Variants in DOCK1 observed in about 807,000 individuals in gnomAD.
DOCK1 encodes dedicator of cytokinesis protein 1.
In DOCK1, 138 loss-of-function variants were observed where a neutral mutation model predicts 262.7. The observed-to-expected ratio is 0.53, with a 90% CI of 0.46 to 0.61. The LOEUF (loss-of-function observed/expected upper bound fraction) is 0.61, where lower values mean the gene tolerates loss of function less well. DOCK1 is among the 20% of genes least tolerant of loss of function. The pLI is 0.00. For synonymous variants in DOCK1, 866 were observed against 867.4 expected (o/e 1.00, Z 0.03); for missense variants, 1,908 against 2,370.7 (o/e 0.80, Z 4.05).
chr10:127,197,812 G>A (rs1205069836), intron 27 of DOCK1, among the ~76,000 whole-genome samples: 1 of 152,142 alleles, frequency 6.6e-6, no homozygotes, highest in East Asian at 1.9e-4. Context: ...GCCTTATAGA[G>A]TGTCTGTTTT....
chr10:127,417,570 GCT>G (rs2068235334), intron 44 of DOCK1, among the ~76,000 whole-genome samples: 1 of 152,268 alleles, frequency 6.6e-6, no homozygotes, highest in African/African-American at 2.4e-5. Flanking sequence ...GGGGCCATGA[GCT>G]CTCTTTGTTG....
chr10:126,921,511 TGTA>T (rs1204360491), intron 1 of DOCK1, among the ~76,000 whole-genome samples: 1 of 152,190 alleles, frequency 6.6e-6, no homozygotes, highest in East Asian at 1.9e-4. Flanking sequence ...TAGGCAAATC[TGTA>T]GGCACAGAAA....
intron 27 of DOCK1, chr10:127,192,766 T>A (rs545654279): frequency 5.9e-5 from 9 of 152,306 alleles, no homozygotes; most frequent in African/African-American, 2.2e-4. Flanking sequence ...GGTCCAAAGG[T>A]TCAAACCTAT....
intron 23 of DOCK1, among the ~76,000 whole-genome samples, chr10:127,064,107 A>G (rs1198721103): frequency 6.6e-6 from 1 of 152,230 alleles, no homozygotes; most frequent in African/African-American, 2.4e-5. Context: ...ACCATCTTCC[A>G]TAGACAAAGT....
chr10:127,447,204 G>A (rs548370027), intron 50 of DOCK1, among the ~76,000 whole-genome samples, 190 bp from the exon 51 acceptor site: 13 of 152,284 alleles, frequency 8.5e-5, no homozygotes, highest in East Asian at 1.9e-4. Context: ...GAACATTGCC[G>A]TTAGGAGAGG....
At chr10:127,236,138 A>G (rs1192497609) in intron 27 of DOCK1, among the ~76,000 whole-genome samples, 2 of 152,126 alleles carry the variant, frequency 1.3e-5, no homozygotes, top group Non-Finnish European at 2.9e-5. Flanking sequence ...TCAATTTATC[A>G]ATTTTAAAAT....
chr10:127,444,404 A>G (rs1478911021), intron 50 of DOCK1, 125 bp downstream of exon 50: 4 of 1,243,526 alleles, frequency 3.2e-6, no homozygotes, highest in Admixed American at 3.0e-5. Context: ...TTAGATAAAC[A>G]CCTGGCTCCC....
chr10:126,949,432 A>C (rs1422088583), intron 1 of DOCK1, among the ~76,000 whole-genome samples: 1 of 152,096 alleles, frequency 6.6e-6, no homozygotes, highest in South Asian at 2.1e-4. Flanking sequence ...ACACCTACCA[A>C]CTATACATGG....
At chr10:127,066,600 T>C (rs975114484) in intron 23 of DOCK1, among the ~76,000 whole-genome samples, 1 of 152,146 alleles carries the variant, frequency 6.6e-6, no homozygotes, top group Non-Finnish European at 1.5e-5. Context: ...GTAGAACCAG[T>C]GCGTTCCCCA....
chr10:127,031,721 C>T lies in DOCK1; in HGVS notation c.1696C>T (p.Arg566Ter). 2 of 1,613,080 alleles carry T rather than the reference C, an allele frequency of 1.2e-6. No individual in the cohort carries two copies. Among genetic ancestry groups the T allele is most frequent in the East Asian group, 2.2e-5 (1 of 44,832 alleles). The change falls in exon 17 of 52, where the codon CGA becomes TGA. Residue 566 changes from arginine (R) to a stop codon, truncating the protein, a stop_gained. Transcript: ENST00000623213. LOFTEE classifies it high-confidence loss of function. ...GATGAGATACGATGGTACCACCCTGCGAGACGGAGAGCACGATCTTATCGT... is the reference window on the plus strand; with the variant it reads ...GATGAGATACGATGGTACCACCCTGTGAGACGGAGAGCACGATCTTATCGT... ...KLMRYDGTTLRDGEHDLIVYK... is the reference protein window; with the variant it reads ...KLMRYDGTTL
chr10:127,282,098 G>C (rs1217302465), intron 29 of DOCK1, among the ~76,000 whole-genome samples: 1 of 152,186 alleles, frequency 6.6e-6, no homozygotes, highest in Non-Finnish European at 1.5e-5. Flanking sequence ...GCCATCCTGG[G>C]CCACATGTGA....
At chr10:127,325,914 A>T (rs983966257) in intron 29 of DOCK1, among the ~76,000 whole-genome samples, 1 of 152,220 alleles carries the variant, frequency 6.6e-6, no homozygotes, top group African/African-American at 2.4e-5. Flanking sequence ...TGAAGTTTGC[A>T]ATAAAGCAAG....
At chr10:126,994,970 G>A (rs1251353394) in intron 6 of DOCK1, among the ~76,000 whole-genome samples, 2 of 150,878 alleles carry the variant, frequency 1.3e-5, no homozygotes, top group South Asian at 4.2e-4. Context: ...CAGATGGGGC[G>A]GCCCGTCAGA....
intron 29 of DOCK1, among the ~76,000 whole-genome samples, chr10:127,330,418 A>AG (rs1385129542): frequency 6.6e-6 from 1 of 152,146 alleles, no homozygotes; most frequent in Non-Finnish European, 1.5e-5. Flanking sequence ...GAAAAAAAAA[A>AG]AAACAGGGAA....
chr10:126,915,613 GT>G (rs374713438), intron 1 of DOCK1, among the ~76,000 whole-genome samples: 2 of 152,214 alleles, frequency 1.3e-5, no homozygotes, highest in South Asian at 4.2e-4. Flanking sequence ...GTAACACGGG[GT>G]TTAGTTACTA....
chr10:127,428,321 T>C (rs1056405740), intron 47 of DOCK1, among the ~76,000 whole-genome samples: 1 of 151,658 alleles, frequency 6.6e-6, no homozygotes, highest in Non-Finnish European at 1.5e-5. Flanking sequence ...GCCACATTCA[T>C]GAGTTCTGAG....
At chr10:127,308,930 A>G (rs958883633) in intron 29 of DOCK1, among the ~76,000 whole-genome samples, 9 of 152,202 alleles carry the variant, frequency 5.9e-5, no homozygotes, top group African/African-American at 1.9e-4. Context: ...AGAATCATTT[A>G]TATTCCTTTA....
intron 49 of DOCK1, among the ~76,000 whole-genome samples, chr10:127,442,676 G>A (rs912332172): frequency 2.0e-5 from 3 of 152,194 alleles, no homozygotes; most frequent in Admixed American, 6.5e-5. Flanking sequence ...GAGAGAAGAA[G>A]CAAAGGAAAG....
In DOCK1 at chr10:127,425,999, C is replaced by T. The variant is rs777678552; in HGVS notation, c.4902C>T (p.Gly1634=). ...QLKEKVEKEY[G]VRIMPSSLDD... is the part of the protein sequence containing the mutation. The stretch of plus-strand genomic sequence containing the variant: ...AGGAAAAGGTGGAGAAAGAGTACGG[C>T]GTCCGAATCATGGTAAGAGGGTAGT... The change falls in exon 47 of 52, where the codon GGC becomes GGT. Residue 1634 remains glycine, a synonymous_variant. Transcript: ENST00000623213. 5.6e-5 allele frequency: 90 copies of T among 1,613,820 alleles called. No individual in the cohort carries two copies. Among genetic ancestry groups the T allele is most frequent in the South Asian group, 9.9e-5 (9 of 91,082 alleles).
Sources: gnomAD v4.1 joint callset for allele counts (sites outside exome capture counted in the v4.1 genomes callset) on GRCh38, gnomAD v4.1.1 for gene constraint, MANE v1.5 for transcripts, NCBI Gene and HGNC (gene_info 2026-07-23, HGNC 2026-07-21) for gene names.